The following CNTN4 variants were observed in gnomAD, a reference collection of about 807,000 sequenced individuals.
CNTN4 encodes the protein contactin 4, also known as contactin-4.
CNTN4 carries 77 observed loss-of-function variants against 122.5 expected under a neutral mutation model. The observed-to-expected ratio is 0.63, with a 90% CI of 0.52 to 0.76. The LOEUF is 0.76. Ranked by LOEUF, CNTN4 falls within the 30% of genes least tolerant of loss-of-function variation. The pLI, the probability that CNTN4 is intolerant of heterozygous loss-of-function variation, is 0.00. For synonymous variants in CNTN4, 512 were observed against 447.0 expected (o/e 1.15, Z -1.83); for missense variants, 1,256 against 1,259.1 (o/e 1.00, Z 0.04).
At chr3:2,349,385 T>G (rs1446465450) in intron 3 of CNTN4, among the ~76,000 whole-genome samples, 1 of 152,158 alleles carries the variant, frequency 6.6e-6, no homozygotes, top group African/African-American at 2.4e-5. Context: ...TTTAGAACAT[T>G]TAGTACACAA....
At chr3:2,771,468 A>G (rs1038616279) in intron 6 of CNTN4, among the ~76,000 whole-genome samples, 1 of 152,180 alleles carries the variant, frequency 6.6e-6, no homozygotes, top group Non-Finnish European at 1.5e-5. Context: ...TCTCTCACAC[A>G]TATCACTCCA....
rs371298385 is a variant in CNTN4 at position 2,240,365 on chromosome 3, A to G, written c.-144-98813A>G. On this transcript the variant is annotated intron_variant, in intron 2 of 24. Transcript: ENST00000418658. ...TCCATTGAATTTGAGTATTGGGCTT[A>G]GTTTGCATTAAATGCTCCTTTTGTT... is the stretch of plus-strand genomic sequence containing the variant. Among the ~76,000 whole-genome samples, 270 of 152,222 alleles carry G rather than the reference A, an allele frequency of 1.8e-3. 1 individual carries two copies. Among genetic ancestry groups the G allele is most frequent in the African/African-American group, 5.9e-3 (247 of 41,552 alleles).
intron 6 of CNTN4, among the ~76,000 whole-genome samples, chr3:2,773,279 G>C (rs932378733): frequency 6.6e-6 from 1 of 152,078 alleles, no homozygotes; most frequent in African/African-American, 2.4e-5. Context: ...CAAAATTTTT[G>C]TATATTTTAA....
chr3:2,262,619 G>C (rs969890798), intron 2 of CNTN4, among the ~76,000 whole-genome samples: 1 of 114,044 alleles, frequency 8.8e-6, no homozygotes, highest in Non-Finnish European at 1.7e-5. Context: ...ATATACACTT[G>C]CTGTTCCGTG....
At chr3:2,393,429 A>G (rs1208348725) in intron 3 of CNTN4, among the ~76,000 whole-genome samples, 1 of 152,132 alleles carries the variant, frequency 6.6e-6, no homozygotes, top group African/African-American at 2.4e-5. Flanking sequence ...ACCTTTTAAT[A>G]GCATATGGCA....
chr3:3,018,045 G>T (rs529473260), intron 14 of CNTN4, among the ~76,000 whole-genome samples: 4 of 152,300 alleles, frequency 2.6e-5, no homozygotes, highest in African/African-American at 9.6e-5. Flanking sequence ...GGAAACTGTG[G>T]TGTTTCCATT....
At chr3:2,263,900 T>C (rs926897684) in intron 2 of CNTN4, among the ~76,000 whole-genome samples, 2 of 132,152 alleles carry the variant, frequency 1.5e-5, no homozygotes, top group African/African-American at 5.1e-5. Flanking sequence ...CCTGGCTTAT[T>C]TTACTTAACA....
intron 13 of CNTN4, among the ~76,000 whole-genome samples, chr3:2,987,601 T>G (rs1694694434): frequency 6.6e-6 from 1 of 152,262 alleles, no homozygotes; most frequent in Non-Finnish European, 1.5e-5. Flanking sequence ...TAAGCCAAGC[T>G]GTGTGTCTTA....
chr3:2,959,570 T>G (rs1252350226), intron 13 of CNTN4, among the ~76,000 whole-genome samples: 2 of 152,098 alleles, frequency 1.3e-5, no homozygotes, highest in Admixed American at 1.3e-4. Context: ...TATTTTAATA[T>G]AAATTATTTC....
At chr3:2,491,774 A>C (rs1413487786) in intron 3 of CNTN4, among the ~76,000 whole-genome samples, 1 of 152,226 alleles carries the variant, frequency 6.6e-6, no homozygotes, top group African/African-American at 2.4e-5. Context: ...CTCCTAATTT[A>C]AATCCTTCAG....
chr3:2,314,137 TAAC>T (rs2043011020), intron 2 of CNTN4, among the ~76,000 whole-genome samples: 1 of 151,962 alleles, frequency 6.6e-6, no homozygotes, highest in African/African-American at 2.4e-5. Flanking sequence ...TGAATTGACT[TAAC>T]AAGAGATGTC....
intron 15 of CNTN4, among the ~76,000 whole-genome samples, chr3:3,026,892 A>G (rs1698767587): frequency 6.6e-6 from 1 of 152,160 alleles, no homozygotes; most frequent in African/African-American, 2.4e-5. Context: ...TCTGGGAACA[A>G]TTCCTATCAA....
At chr3:2,146,012 A>G (rs1221849918) in intron 2 of CNTN4, among the ~76,000 whole-genome samples, 4 of 151,658 alleles carry the variant, frequency 2.6e-5, no homozygotes, top group Non-Finnish European at 5.9e-5. Context: ...TTTATCTGAG[A>G]ATTGATAATT....
intron 6 of CNTN4, among the ~76,000 whole-genome samples, chr3:2,750,791 T>G (rs2090050790): frequency 6.6e-6 from 1 of 152,154 alleles, no homozygotes; most frequent in Non-Finnish European, 1.5e-5. Flanking sequence ...AAATAATGGT[T>G]GCTGAATGAA....
intron 13 of CNTN4, among the ~76,000 whole-genome samples, chr3:2,941,057 G>A (rs2094610406): frequency 6.6e-6 from 1 of 152,118 alleles, no homozygotes; most frequent in Admixed American, 6.5e-5. Flanking sequence ...TTAATATCAG[G>A]AAAGATGTTT....
chr3:2,866,595 C>T (rs376408483), intron 7 of CNTN4, 157 bp from the exon 8 acceptor site: 17 of 1,127,960 alleles, frequency 1.5e-5, no homozygotes, highest in Non-Finnish European at 1.9e-5. Flanking sequence ...TAAAATGCCA[C>T]GGGGGACTGT....
intron 4 of CNTN4, among the ~76,000 whole-genome samples, chr3:2,729,164 A>G (rs533034824): frequency 8.2e-4 from 125 of 152,352 alleles, no homozygotes; most frequent in African/African-American, 2.8e-3. Flanking sequence ...TCTAAGGGTC[A>G]TGCGGCGAAA....
rs1362969461 is a variant in CNTN4, at chr3:3,026,134, A to G, written c.1519A>G (p.Met507Val). 1.9e-6 allele frequency: 3 copies of G among 1,613,382 alleles called. No homozygotes were observed. Among genetic ancestry groups the G allele is most frequent in the Admixed American group, 1.7e-5 (1 of 59,934 alleles). The stretch of plus-strand genomic sequence containing the variant: ...AAGGGTAATGGTACCCCCTTCCAGT[A>G]TGGATGTCACTGTTGGAGAGAGTAT... ...PTRVMVPPSS[M>V]DVTVGESIVL... Residue 507 changes from methionine to valine, a missense_variant, in exon 15 of 25, where the codon ATG becomes GTG. Coordinates refer to ENST00000418658, the MANE Select transcript of CNTN4 (RefSeq NM_175607.3).
chr3:2,749,310 ACCACCATGC>A (rs2089971242), intron 6 of CNTN4, among the ~76,000 whole-genome samples: 1 of 145,692 alleles, frequency 6.9e-6, no homozygotes, highest in African/African-American at 2.5e-5. Context: ...ACAGGCTCAC[ACCACCATGC>A]CCAGATAAGT....
Sources: gnomAD v4.1 joint callset for allele counts (sites outside exome capture counted in the v4.1 genomes callset) on GRCh38, gnomAD v4.1.1 for gene constraint, MANE v1.5 for transcripts, NCBI Gene and HGNC (gene_info 2026-07-23, HGNC 2026-07-21) for gene names.